Variants in CCDC141 observed in about 807,000 individuals in gnomAD.
The protein encoded by CCDC141 is coiled-coil domain containing 141, also known as coiled-coil domain-containing protein 141.
Under a neutral mutation model 181.0 loss-of-function variants are expected in CCDC141, and 168 were observed. The observed-to-expected ratio is 0.93, with a 90% CI of 0.82 to 1.05. The LOEUF (loss-of-function observed/expected upper bound fraction) is 1.05, where lower values mean the gene tolerates loss of function less well. Among genes scored for constraint, CCDC141 ranks in the 50% least tolerant of loss-of-function variants. The pLI is 0.00. For synonymous variants in CCDC141, 666 were observed against 642.3 expected (o/e 1.04, Z -0.56); for missense variants, 1,902 against 1,788.5 (o/e 1.06, Z -1.14).
At chr2:178,978,205 T>TA (rs1302385137) in intron 3 of CCDC141, among the ~76,000 whole-genome samples, 1 of 152,198 alleles carries the variant, frequency 6.6e-6, no homozygotes, top group Non-Finnish European at 1.5e-5. Context: ...TAGAGGGAAA[T>TA]AATCGTAATG....
At chr2:179,020,795 C>T (rs1346053947) in intron 2 of CCDC141, among the ~76,000 whole-genome samples, 1 of 152,130 alleles carries the variant, frequency 6.6e-6, no homozygotes, top group African/African-American at 2.4e-5. Flanking sequence ...TATGTGGATT[C>T]TATGAAGATA....
intron 22 of CCDC141, among the ~76,000 whole-genome samples, chr2:178,840,600 T>C (rs758771763): frequency 6.6e-6 from 1 of 152,184 alleles, no homozygotes; most frequent in Non-Finnish European, 1.5e-5. Context: ...AGGTTGGCTC[T>C]AAGGCATGAA....
intron 6 of CCDC141, among the ~76,000 whole-genome samples, chr2:178,943,154 G>T (rs1346976350): frequency 6.6e-6 from 1 of 151,992 alleles, no homozygotes; most frequent in Non-Finnish European, 1.5e-5. Context: ...TCTTGTGCTT[G>T]GCATTTGGGG....
chr2:178,856,242 A>G lies in CCDC141; in HGVS notation c.2865+15T>C, dbSNP rs1281824679. 4.4e-6 allele frequency: 7 copies of G among 1,596,876 alleles called. No homozygotes were observed. Among genetic ancestry groups the G allele is most frequent in the Non-Finnish European group, 6.0e-6 (7 of 1,171,782 alleles). ...ATACACATGCGCACATATACAAACC[A>G]TACTTTCTTGTTACCTGCATTTTTT... On this transcript the variant is annotated intron_variant, in intron 18 of 23. Coordinates refer to ENST00000443758, the MANE Select transcript of CCDC141 (RefSeq NM_173648.4).
chr2:179,025,028 G>A (rs1041533082), intron 2 of CCDC141, among the ~76,000 whole-genome samples: 7 of 152,016 alleles, frequency 4.6e-5, no homozygotes, highest in African/African-American at 1.7e-4. Context: ...TGCCAGCCCA[G>A]TTGAGAATCA....
chr2:178,832,185 T>C lies in CCDC141; in HGVS notation c.*1988A>G, dbSNP rs1048875443. 6.6e-6 allele frequency: 1 copy of C among 152,146 alleles called. No individual in the cohort carries two copies. Among genetic ancestry groups the C allele is most frequent in the Non-Finnish European group, 1.5e-5 (1 of 68,038 alleles). The allele number at this position is 152,146 out of a possible 1,614,324, so 9.4% of individuals were successfully genotyped here. A position where few individuals can be genotyped will look rare whatever the true frequency, so the allele number is the denominator to read the frequency against. On this transcript the variant is annotated 3_prime_UTR_variant, in exon 24 of 24. Transcript: ENST00000443758. ...TAGCTTCAACGTGGGCAACAGCAGT[T>C]AGGCAAGATTCACACATTATTTGAA...
At chr2:178,984,805 G>C (rs889879290) in intron 2 of CCDC141, among the ~76,000 whole-genome samples, 3 of 152,050 alleles carry the variant, frequency 2.0e-5, no homozygotes, top group Admixed American at 6.6e-5. Context: ...GGAGCACCCA[G>C]ATTCATAAAG....
At chr2:178,862,288 G>A (rs1685654968) in intron 17 of CCDC141, among the ~76,000 whole-genome samples, 1 of 152,128 alleles carries the variant, frequency 6.6e-6, no homozygotes, top group South Asian at 2.1e-4. Context: ...AGTTCTATGT[G>A]GAAAACTTGA....
chr2:178,983,087 A>C (rs1195897091), intron 2 of CCDC141, among the ~76,000 whole-genome samples: 2 of 152,218 alleles, frequency 1.3e-5, no homozygotes, highest in African/African-American at 4.8e-5. Context: ...TGAAGAGAGC[A>C]GTGGTTCTCC....
chr2:178,893,866 T>A (rs973791231), intron 8 of CCDC141, among the ~76,000 whole-genome samples: 3 of 150,674 alleles, frequency 2.0e-5, no homozygotes, highest in African/African-American at 7.3e-5. Context: ...TATGTATAGA[T>A]AACAAAGTAG....
chr2:178,839,505 C>A (rs1684629289), intron 22 of CCDC141, among the ~76,000 whole-genome samples: 3 of 133,920 alleles, frequency 2.2e-5, no homozygotes. Context: ...TGAACTCAGG[C>A]AGAGGTTGCA....
chr2:179,027,662 A>AAAAAAAAAAAAAAAAAAAAC (rs2042890078), intron 2 of CCDC141, among the ~76,000 whole-genome samples: 1 of 143,356 alleles, frequency 7.0e-6, no homozygotes, highest in Non-Finnish European at 1.5e-5. Flanking sequence ...AAAAAAAAAA[A>AAAAAAAAAAAAAAAAAAAAC]AAAAAAAAAA....
chr2:179,046,219 T>A (rs931592817), intron 2 of CCDC141, among the ~76,000 whole-genome samples: 1 of 152,246 alleles, frequency 6.6e-6, no homozygotes, highest in African/African-American at 2.4e-5. Flanking sequence ...ATATTTCATT[T>A]GTCTATGAGC....
At chr2:178,821,114 A>T in the CCDC141 span, among the ~76,000 whole-genome samples, 31 of 152,276 alleles carry the variant, frequency 2.0e-4, no homozygotes, top group Non-Finnish European at 3.8e-4. Flanking sequence ...CTATATTCCC[A>T]GTTATTTCAT....
intron 1 of CCDC141, among the ~76,000 whole-genome samples, chr2:179,049,403 C>A (rs962873763): frequency 9.2e-5 from 14 of 152,082 alleles, no homozygotes; most frequent in African/African-American, 3.1e-4. Context: ...TGCCCTCCCC[C>A]TGTCTGTCGG....
chr2:178,847,008 A>G (rs1018008832), intron 21 of CCDC141, among the ~76,000 whole-genome samples: 1 of 152,234 alleles, frequency 6.6e-6, no homozygotes, highest in African/African-American at 2.4e-5. Flanking sequence ...TGCTCTCTTC[A>G]TACAAACACC....
chr2:178,849,994 A>C (rs1433965111), intron 21 of CCDC141, 55 bp downstream of exon 21: 33 of 960,060 alleles, frequency 3.4e-5, no homozygotes, highest in Non-Finnish European at 5.1e-5. Flanking sequence ...ACATTTGATT[A>C]ACACATTTTT....
rs908891724 is a variant in CCDC141, at chr2:178,896,757, C to G, written c.1266-8089G>C. ...TACTGCAGTGTGACAGGCAATAGGGCAAGTTATTAAACTTCTTTGTGCCCT... is the reference window on the plus strand; with the variant it reads ...TACTGCAGTGTGACAGGCAATAGGGGAAGTTATTAAACTTCTTTGTGCCCT... On this transcript the variant is annotated intron_variant, in intron 8 of 23. Transcript: ENST00000443758. 4.6e-5 allele frequency among the ~76,000 whole-genome samples: 7 copies of G among 152,078 alleles called. No homozygotes were observed. The South Asian group carries it at 1.5e-3, about 32-fold the overall frequency.
At chr2:179,040,753 A>G (rs1271381755) in intron 2 of CCDC141, among the ~76,000 whole-genome samples, 1 of 152,216 alleles carries the variant, frequency 6.6e-6, no homozygotes, top group Non-Finnish European at 1.5e-5. Context: ...CATGTTATAT[A>G]TGTACCACAC....
Sources: gnomAD v4.1 joint callset for allele counts (sites outside exome capture counted in the v4.1 genomes callset) on GRCh38, gnomAD v4.1.1 for gene constraint, MANE v1.5 for transcripts, NCBI Gene and HGNC (gene_info 2026-07-23, HGNC 2026-07-21) for gene names.